The following SLC4A10 variants were observed in gnomAD, a reference collection of about 807,000 sequenced individuals.
SLC4A10 encodes the protein sodium-driven chloride bicarbonate exchanger.
Under a neutral mutation model 137.7 loss-of-function variants are expected in SLC4A10, and 42 were observed. The observed-to-expected ratio is 0.30, with a 90% CI of 0.24 to 0.39. SLC4A10 has a LOEUF of 0.39. Ranked by LOEUF, SLC4A10 falls within the 10% of genes least tolerant of loss-of-function variation. The probability of loss-of-function intolerance (pLI) is 1.00; values close to 1 mark genes in which losing one functional copy is unlikely to be tolerated. For synonymous variants in SLC4A10, 474 were observed against 464.1 expected (o/e 1.02, Z -0.27); for missense variants, 925 against 1,355.0 (o/e 0.68, Z 4.98).
intron 2 of SLC4A10, among the ~76,000 whole-genome samples, chr2:161,800,017 C>G (rs78639240): frequency 0.033 from 5,004 of 152,000 alleles, 229 homozygotes; most frequent in African/African-American, 0.1. Context: ...ATGAGAAGGT[C>G]CTGGTTTAAA....
chr2:161,946,360 C>A (rs1281524699), intron 16 of SLC4A10, among the ~76,000 whole-genome samples: 1 of 152,034 alleles, frequency 6.6e-6, no homozygotes, highest in African/African-American at 2.4e-5. Flanking sequence ...TTTCAGATGA[C>A]AGTGTAGCTA....
At chr2:161,907,597 C>T (rs1015665033) in intron 15 of SLC4A10, among the ~76,000 whole-genome samples, 2 of 152,140 alleles carry the variant, frequency 1.3e-5, no homozygotes, top group Non-Finnish European at 2.9e-5. Flanking sequence ...AATGCTATAG[C>T]AGCACATCAG....
intron 1 of SLC4A10, among the ~76,000 whole-genome samples, chr2:161,646,758 C>A (rs942424605): frequency 6.6e-6 from 1 of 151,890 alleles, no homozygotes; most frequent in African/African-American, 2.4e-5. Flanking sequence ...TTAATTTCTT[C>A]AAAATTAGAC....
intron 3 of SLC4A10, among the ~76,000 whole-genome samples, chr2:161,838,628 A>G (rs543115216): frequency 3.7e-4 from 57 of 152,358 alleles, no homozygotes; most frequent in South Asian, 2.3e-3. Context: ...TCAAAACTCG[A>G]CAGTAAGGAA....
At chr2:161,651,671 T>C (rs1474522409) in intron 1 of SLC4A10, among the ~76,000 whole-genome samples, 1 of 152,194 alleles carries the variant, frequency 6.6e-6, no homozygotes, top group African/African-American at 2.4e-5. Context: ...GTGGTACATC[T>C]GGTCCTGCTG....
intron 1 of SLC4A10, among the ~76,000 whole-genome samples, chr2:161,767,135 ATATATG>A (rs1265193341): frequency 1.2e-3 from 103 of 89,418 alleles, no homozygotes; most frequent in Non-Finnish European, 1.5e-3. Flanking sequence ...ATATATATAT[ATATATG>A]TGTGTGTGTG....
At chr2:161,627,366 C>G (rs1020549356) in intron 1 of SLC4A10, among the ~76,000 whole-genome samples, 1 of 151,898 alleles carries the variant, frequency 6.6e-6, no homozygotes, top group Non-Finnish European at 1.5e-5. Flanking sequence ...TTGCAGTATG[C>G]TTGGAGAGCC....
chr2:161,644,221 G>T (rs1372985383), intron 1 of SLC4A10, among the ~76,000 whole-genome samples: 1 of 152,096 alleles, frequency 6.6e-6, no homozygotes, highest in African/African-American at 2.4e-5. Context: ...ACACGACTGG[G>T]CATAGTTGCT....
intron 23 of SLC4A10, among the ~76,000 whole-genome samples, chr2:161,966,050 A>G (rs1226561434): frequency 6.6e-6 from 1 of 152,194 alleles, no homozygotes; most frequent in Non-Finnish European, 1.5e-5. Flanking sequence ...TCAACTTTCT[A>G]TTTCCTCAAA....
intron 1 of SLC4A10, among the ~76,000 whole-genome samples, chr2:161,698,656 C>G (rs1475049180): frequency 6.6e-6 from 1 of 152,134 alleles, no homozygotes; most frequent in Non-Finnish European, 1.5e-5. Context: ...AGGGATGAAG[C>G]CCACTTGATC....
chr2:161,983,193 A>G lies in SLC4A10; in HGVS notation c.*41A>G. On this transcript the variant is annotated 3_prime_UTR_variant, in exon 27 of 27. Transcript: ENST00000446997. ...TCCTTCTGTAGCATTGAAAGCCGAA[A>G]AGAGAAGAAAGCTGACTCAGGGAAA... 6.5e-7 allele frequency: 1 copy of G among 1,536,764 alleles called. No homozygotes were observed. Among genetic ancestry groups the G allele is most frequent in the Non-Finnish European group, 8.7e-7 (1 of 1,147,018 alleles).
chr2:161,786,541 G>A (rs1164178332), intron 2 of SLC4A10, among the ~76,000 whole-genome samples: 1 of 151,512 alleles, frequency 6.6e-6, no homozygotes. Flanking sequence ...TTTATGACAG[G>A]AGAGTATTGT....
intron 6 of SLC4A10, among the ~76,000 whole-genome samples, chr2:161,866,268 AAGATT>A (rs2060743021): frequency 6.6e-6 from 1 of 152,022 alleles, no homozygotes; most frequent in African/African-American, 2.4e-5. Context: ...CCCCATTTTA[AAGATT>A]AGATTAATAA....
intron 15 of SLC4A10, among the ~76,000 whole-genome samples, chr2:161,916,515 C>T (rs1575625416): frequency 6.6e-6 from 1 of 152,324 alleles, no homozygotes; most frequent in South Asian, 2.1e-4. Context: ...CTTCAAAACT[C>T]AAGTCAGGTC....
chr2:161,782,445 T>A (rs977988697), intron 2 of SLC4A10, among the ~76,000 whole-genome samples: 13 of 151,710 alleles, frequency 8.6e-5, no homozygotes, highest in African/African-American at 3.1e-4. Context: ...AAGACACCAA[T>A]GCATAGAGTC....
At chr2:161,957,502 G>T (rs115839156) in intron 20 of SLC4A10, among the ~76,000 whole-genome samples, 2,756 of 152,250 alleles carry the variant, frequency 0.018, 35 homozygotes, top group Middle Eastern at 0.027. Context: ...TTTTGAATCG[G>T]TGATCAAGCT....
At chr2:161,700,845 T>A (rs957993080) in intron 1 of SLC4A10, among the ~76,000 whole-genome samples, 4 of 152,122 alleles carry the variant, frequency 2.6e-5, no homozygotes, top group African/African-American at 9.6e-5. Flanking sequence ...GTGTCTACAT[T>A]CTTATTCTCA....
chr2:161,676,789 TG>T (rs1215474403), intron 1 of SLC4A10, among the ~76,000 whole-genome samples: 1 of 152,054 alleles, frequency 6.6e-6, no homozygotes, highest in East Asian at 1.9e-4. Context: ...TATTCAGGTA[TG>T]TTTAGAAAAT....
At position 161,714,200 on chromosome 2, in the gene SLC4A10, A is replaced by G. The variant is rs375600237; in HGVS notation, c.49-56773A>G. On this transcript the variant is annotated intron_variant, in intron 1 of 26. Coordinates refer to ENST00000446997, the MANE Select transcript of SLC4A10 (RefSeq NM_001178015.2). ...TTTCTAGAAGTTCCTGTGAAGTTGT[A>G]CTTATTAATCTTTGCAACTTCACAT... Among the ~76,000 whole-genome samples, 26 of 152,024 alleles carry G rather than the reference A, an allele frequency of 1.7e-4. No homozygotes were observed. In the East Asian group the frequency reaches 3.5e-3, roughly 20 times the overall value.
Sources: gnomAD v4.1 joint callset for allele counts (sites outside exome capture counted in the v4.1 genomes callset) on GRCh38, gnomAD v4.1.1 for gene constraint, MANE v1.5 for transcripts, NCBI Gene and HGNC (gene_info 2026-07-23, HGNC 2026-07-21) for gene names.